MNAT1: variants seen among roughly 807,000 people sequenced by gnomAD.
MNAT1 encodes the protein CDK-activating kinase assembly factor MAT1.
Under a neutral mutation model 42.0 loss-of-function variants are expected in MNAT1, and 43 were observed. The ratio of observed to expected loss-of-function variants is 1.02; its 90% CI spans 0.80 to 1.32. MNAT1 has a LOEUF of 1.32. Among genes scored for constraint, MNAT1 ranks in the 40% most tolerant of loss-of-function variants. The probability of loss-of-function intolerance (pLI) is 0.00; values close to 1 mark genes in which losing one functional copy is unlikely to be tolerated. For missense variants in MNAT1, 306 were observed against 350.4 expected (o/e 0.87, Z 1.01); for synonymous variants, 118 against 120.0 (o/e 0.98, Z 0.11).
intron 7 of MNAT1, among the ~76,000 whole-genome samples, chr14:60,962,498 A>G (rs1235276147): frequency 6.6e-6 from 1 of 152,176 alleles, no homozygotes. Flanking sequence ...TTAAGTAGCT[A>G]TATCTTCTGT....
At chr14:60,942,273 T>C (rs1427201133) in intron 7 of MNAT1, among the ~76,000 whole-genome samples, 1 of 152,144 alleles carries the variant, frequency 6.6e-6, no homozygotes, top group Admixed American at 6.5e-5. Flanking sequence ...CTTATTCCAG[T>C]AGTGTTAGCA....
At chr14:60,794,726 G>A (rs180955094) in intron 1 of MNAT1, among the ~76,000 whole-genome samples, 9 of 146,038 alleles carry the variant, frequency 6.2e-5, no homozygotes, top group African/African-American at 2.3e-4. Flanking sequence ...GTCTGTGTGT[G>A]TATGTATATA....
chr14:60,826,082 TTATA>T (rs2033044225), intron 6 of MNAT1, among the ~76,000 whole-genome samples: 1 of 152,296 alleles, frequency 6.6e-6, no homozygotes, highest in East Asian at 1.9e-4. Context: ...GATTTTATTA[TTATA>T]TATTCACATA....
At chr14:60,933,279 A>G (rs1242482660) in intron 7 of MNAT1, among the ~76,000 whole-genome samples, 2 of 152,042 alleles carry the variant, frequency 1.3e-5, no homozygotes, top group Admixed American at 1.3e-4. Context: ...TTGATCAATT[A>G]GGCATATCGA....
intron 7 of MNAT1, among the ~76,000 whole-genome samples, chr14:60,932,704 A>G (rs1456235572): frequency 6.6e-6 from 1 of 152,060 alleles, no homozygotes; most frequent in Non-Finnish European, 1.5e-5. Context: ...AGTTAAACAT[A>G]ATAGATGACC....
chr14:60,933,334 G>A (rs1441231881), intron 7 of MNAT1, among the ~76,000 whole-genome samples: 6 of 151,708 alleles, frequency 4.0e-5, no homozygotes, highest in African/African-American at 1.2e-4. Flanking sequence ...TATAATTTTG[G>A]CATTTAGTTC....
intron 1 of MNAT1, among the ~76,000 whole-genome samples, chr14:60,758,578 C>T (rs1273081507): frequency 6.6e-6 from 1 of 151,886 alleles, no homozygotes; most frequent in Non-Finnish European, 1.5e-5. Context: ...CTTACTACCG[C>T]CCACTCCTCC....
rs138439197 is a variant in MNAT1, at chr14:60,939,816, A to G, written c.810-28413A>G. 5.1e-4 allele frequency among the ~76,000 whole-genome samples: 77 copies of G among 152,262 alleles called. 2 individuals are homozygous for G. The highest frequency in any genetic ancestry group is 4.4e-3 in the East Asian group (23 of 5,172). On this transcript the variant is annotated intron_variant, in intron 7 of 7. Transcript: ENST00000261245. ...AACTTTCTGTCTCGTTGATCTGTCT[A>G]ACGTTGAGAGTGGGGTGTTAAAGTC...
At chr14:60,746,095 G>C (rs1896605043) in intron 1 of MNAT1, among the ~76,000 whole-genome samples, 1 of 152,140 alleles carries the variant, frequency 6.6e-6, no homozygotes. Context: ...AGAAAATCTA[G>C]GCTCTAGTTT....
At chr14:60,807,628 G>A (rs527728211) in intron 3 of MNAT1, among the ~76,000 whole-genome samples, 23 of 151,980 alleles carry the variant, frequency 1.5e-4, no homozygotes, top group African/African-American at 5.1e-4. Flanking sequence ...AAATTAGAAG[G>A]GAATATGGCA....
At chr14:60,750,397 T>C (rs939123819) in intron 1 of MNAT1, among the ~76,000 whole-genome samples, 2 of 151,798 alleles carry the variant, frequency 1.3e-5, no homozygotes, top group African/African-American at 4.8e-5. Flanking sequence ...CGGCCAATCT[T>C]TTTTGTATTT....
chr14:60,860,075 G>T (rs1434030950), intron 6 of MNAT1, among the ~76,000 whole-genome samples: 1 of 152,134 alleles, frequency 6.6e-6, no homozygotes, highest in African/African-American at 2.4e-5. Flanking sequence ...TATATTGTCA[G>T]TCTTAAACTG....
At chr14:60,838,652 G>A (rs1466193807) in intron 6 of MNAT1, among the ~76,000 whole-genome samples, 1 of 152,130 alleles carries the variant, frequency 6.6e-6, no homozygotes, top group Non-Finnish European at 1.5e-5. Context: ...GGAACAGGTG[G>A]GAGTCCCGCC....
At chr14:60,897,133 T>G (rs969447656) in intron 7 of MNAT1, among the ~76,000 whole-genome samples, 20 of 152,290 alleles carry the variant, frequency 1.3e-4, no homozygotes, top group African/African-American at 4.6e-4. Flanking sequence ...AGTAAATTTC[T>G]GTATTACTCA....
chr14:60,831,179 A>T (rs1376345091), intron 6 of MNAT1, among the ~76,000 whole-genome samples: 1 of 150,786 alleles, frequency 6.6e-6, no homozygotes, highest in Non-Finnish European at 1.5e-5. Flanking sequence ...GTGGAGGTAC[A>T]TGGAGATACA....
chr14:60,924,377 C>A (rs2035722685), intron 7 of MNAT1, among the ~76,000 whole-genome samples: 1 of 79,860 alleles, frequency 1.3e-5, no homozygotes. Flanking sequence ...AAATTCAGTG[C>A]CTGTTTAAAA....
chr14:60,957,918 G>T (rs919579801), intron 7 of MNAT1, among the ~76,000 whole-genome samples: 1 of 151,904 alleles, frequency 6.6e-6, no homozygotes, highest in Non-Finnish European at 1.5e-5. Context: ...GCTCACTGCA[G>T]CCTCCGCCTC....
chr14:60,785,568 T>C (rs2031621242), intron 1 of MNAT1, among the ~76,000 whole-genome samples: 2 of 152,230 alleles, frequency 1.3e-5, no homozygotes, highest in African/African-American at 4.8e-5. Context: ...ATAAACCAAA[T>C]ACAGTTCTTG....
At chr14:60,822,252 T>C (rs964137260) in intron 6 of MNAT1, among the ~76,000 whole-genome samples, 4 of 152,138 alleles carry the variant, frequency 2.6e-5, no homozygotes, top group Non-Finnish European at 5.9e-5. Context: ...TATTTAAAAA[T>C]GAAATGAATT....
Sources: allele counts gnomAD v4.1 joint callset (sites outside exome capture counted in the v4.1 genomes callset), GRCh38; gene constraint gnomAD v4.1.1; transcripts MANE v1.5; gene names NCBI Gene and HGNC (gene_info 2026-07-23, HGNC 2026-07-21).